COL19A1: variants seen among roughly 807,000 people sequenced by gnomAD.
COL19A1 encodes collagen type XIX alpha 1 chain, also known as collagen alpha-1(XIX) chain.
A neutral mutation model predicts 190.2 loss-of-function variants in COL19A1; 159 were observed. The observed-to-expected ratio is 0.84, with a 90% CI of 0.73 to 0.95. The LOEUF is 0.95. Ranked by LOEUF, COL19A1 falls within the 40% of genes least tolerant of loss-of-function variation. COL19A1 has a pLI of 0.00. For missense variants in COL19A1, 1,418 were observed against 1,431.9 expected, an observed-to-expected ratio of 0.99 and a Z score of 0.16; for synonymous variants, 509 against 458.9, an observed-to-expected ratio of 1.11 and a Z score of -1.39.
At chr6:70,048,420 G>A (rs1304580168) in intron 14 of COL19A1, among the ~76,000 whole-genome samples, 2 of 152,006 alleles carry the variant, frequency 1.3e-5, no homozygotes, top group Non-Finnish European at 1.5e-5. Context: ...TTAGTTGAAT[G>A]CTTACTGTGT....
intron 4 of COL19A1, among the ~76,000 whole-genome samples, chr6:69,904,866 TG>T (rs1770445090): frequency 6.6e-6 from 1 of 152,192 alleles, no homozygotes; most frequent in Non-Finnish European, 1.5e-5. Context: ...CGGCTTGTGC[TG>T]GGATGTCCCT....
intron 30 of COL19A1, among the ~76,000 whole-genome samples, chr6:70,150,342 C>T (rs545326964): frequency 9.2e-5 from 14 of 152,092 alleles, no homozygotes; most frequent in East Asian, 1.9e-4. Context: ...TATATTGCCA[C>T]GATTTCTATT....
intron 9 of COL19A1, among the ~76,000 whole-genome samples, chr6:69,954,236 T>C (rs796118112): frequency 2.0e-5 from 3 of 152,150 alleles, no homozygotes; most frequent in African/African-American, 7.2e-5. Context: ...CATAGCACTT[T>C]ATTTATATCA....
intron 4 of COL19A1, among the ~76,000 whole-genome samples, chr6:69,917,641 C>A (rs534514660): frequency 1.3e-5 from 2 of 152,184 alleles, no homozygotes; most frequent in African/African-American, 4.8e-5. Context: ...TAGATGGTGA[C>A]TAGGGTGAGG....
At chr6:70,191,766 A>G (rs1766887282) in intron 48 of COL19A1, among the ~76,000 whole-genome samples, 1 of 152,200 alleles carries the variant, frequency 6.6e-6, no homozygotes. Flanking sequence ...CATGGTTCCT[A>G]CTTCCTTTGC....
chr6:69,927,764 A>T, intron 4 of COL19A1, 145 bp from the exon 5 acceptor site: 1 of 1,055,790 alleles, frequency 9.5e-7, no homozygotes, highest in Non-Finnish European at 1.3e-6. Flanking sequence ...AAGATTTTTT[A>T]AAAGGAAAGA....
Position 70,124,590 on chromosome 6 carries a change from G to A in COL19A1, c.1341+2648G>A, listed in dbSNP as rs561853833. ...AAAAAAATGGGCACTGACCAGAGCA[G>A]CTGAGTGGAAAATCTTGCTAGTAAC... On this transcript the variant is annotated intron_variant, in intron 17 of 50. Transcript: ENST00000620364. 2.6e-5 allele frequency among the ~76,000 whole-genome samples: 4 copies of A among 151,190 alleles called. No homozygotes were observed. The East Asian group carries it at 5.8e-4, about 22-fold the overall frequency.
At chr6:70,110,352 A>G (rs775129113) in intron 16 of COL19A1, among the ~76,000 whole-genome samples, 7 of 152,178 alleles carry the variant, frequency 4.6e-5, no homozygotes, top group Non-Finnish European at 5.9e-5. Flanking sequence ...TTAAATGACT[A>G]AAGTCTGTGC....
At chr6:70,142,851 T>C (rs200192558) in intron 23 of COL19A1, 31 bp downstream of exon 23, 466 of 1,588,656 alleles carry the variant, frequency 2.9e-4, no homozygotes, top group Non-Finnish European at 3.8e-4. Flanking sequence ...ATTTCTGGAA[T>C]TGAAATTGAG....
chr6:70,180,950 C>T (rs1766137954), intron 44 of COL19A1, among the ~76,000 whole-genome samples: 1 of 152,198 alleles, frequency 6.6e-6, no homozygotes, highest in African/African-American at 2.4e-5. Flanking sequence ...TTTTCTTACA[C>T]TTTCATAAAT....
chr6:70,095,434 G>T (rs1399074667), intron 15 of COL19A1, among the ~76,000 whole-genome samples: 1 of 152,170 alleles, frequency 6.6e-6, no homozygotes, highest in African/African-American at 2.4e-5. Context: ...GAATTGGAGA[G>T]AGGGTAGTAG....
chr6:69,921,544 A>ATG (rs1554166332), intron 4 of COL19A1, among the ~76,000 whole-genome samples: 2 of 137,950 alleles, frequency 1.4e-5, no homozygotes, highest in African/African-American at 5.3e-5. Flanking sequence ...GTATATTCAT[A>ATG]TATATTCATA....
chr6:69,991,482 G>A (rs1562066625), intron 11 of COL19A1, among the ~76,000 whole-genome samples: 1 of 152,066 alleles, frequency 6.6e-6, no homozygotes, highest in Non-Finnish European at 1.5e-5. Context: ...CACAGTGGCT[G>A]AAATAGTTTA....
At chr6:70,149,799 G>A (rs1001129684) in intron 28 of COL19A1, 52 bp from the exon 29 acceptor site, 2 of 1,613,318 alleles carry the variant, frequency 1.2e-6, no homozygotes, top group Admixed American at 1.7e-5. Context: ...TGGGGGAAAT[G>A]ACTGAAAGAC....
rs756361358 is a variant in COL19A1 at position 70,208,991 on chromosome 6, A to C, written c.*1717A>C. The C allele has an allele frequency of 1.1e-4, 17 of 150,524 alleles. No homozygotes were observed. The highest frequency in any genetic ancestry group is 2.0e-4 in the Admixed American group (3 of 15,122). 9.3% of individuals were successfully genotyped at this position (150,524 alleles called of 1,614,324 possible). ...GTATATTTCAATTCCAAGTTTATTT[A>C]TTTTCCAAGGTTATTTTATTTATTG... On this transcript the variant is annotated 3_prime_UTR_variant, in exon 51 of 51. Coordinates refer to ENST00000620364, the MANE Select transcript of COL19A1 (RefSeq NM_001858.6).
At chr6:69,898,911 A>T in intron 2 of COL19A1, 37 bp from the exon 3 acceptor site, 1 of 1,253,776 alleles carries the variant, frequency 8.0e-7, no homozygotes, top group Non-Finnish European at 1.2e-6. Flanking sequence ...ATTCATACAT[A>T]ATGCAAATCC....
intron 14 of COL19A1, among the ~76,000 whole-genome samples, chr6:70,037,890 TACG>T (rs1779436986): frequency 6.6e-6 from 1 of 152,136 alleles, no homozygotes; most frequent in Non-Finnish European, 1.5e-5. Flanking sequence ...TGTCTAAAAA[TACG>T]ACAAGGAAAA....
chr6:70,089,093 C>G (rs1582882982), intron 15 of COL19A1, among the ~76,000 whole-genome samples: 6 of 152,244 alleles, frequency 3.9e-5, no homozygotes, highest in Admixed American at 3.3e-4. Context: ...CTCTGGAGAT[C>G]TTGACATCAA....
At chr6:70,096,450 T>C (rs1783280850) in intron 15 of COL19A1, among the ~76,000 whole-genome samples, 1 of 152,182 alleles carries the variant, frequency 6.6e-6, no homozygotes, top group Non-Finnish European at 1.5e-5. Flanking sequence ...GATTTGTTGA[T>C]AGTAGCCATC....
Sources: allele counts gnomAD v4.1 joint callset (sites outside exome capture counted in the v4.1 genomes callset), GRCh38; gene constraint gnomAD v4.1.1; transcripts MANE v1.5; gene names NCBI Gene and HGNC (gene_info 2026-07-23, HGNC 2026-07-21).